The following SCLT1 variants were observed in gnomAD, a reference collection of about 807,000 sequenced individuals.
SCLT1 encodes the protein sodium channel-associated protein 1.
SCLT1 carries 78 observed loss-of-function variants against 112.8 expected under a neutral mutation model. The observed-to-expected ratio is 0.69, with a 90% CI of 0.58 to 0.83. SCLT1 has a LOEUF of 0.83. Ranked by LOEUF, SCLT1 falls within the 40% of genes least tolerant of loss-of-function variation. SCLT1 has a pLI of 0.00. For synonymous variants in SCLT1, 257 were observed against 254.7 expected, an observed-to-expected ratio of 1.01 and a Z score of -0.09; for missense variants, 747 against 770.4, an observed-to-expected ratio of 0.97 and a Z score of 0.36.
At chr4:128,993,595 A>G (rs933465602) in intron 8 of SCLT1, among the ~76,000 whole-genome samples, 39 of 152,092 alleles carry the variant, frequency 2.6e-4, no homozygotes, top group African/African-American at 9.2e-4. Context: ...TTGTTGTTCT[A>G]TATTTATGAC....
At chr4:128,994,429 G>C (rs538275552) in intron 8 of SCLT1, among the ~76,000 whole-genome samples, 1 of 152,226 alleles carries the variant, frequency 6.6e-6, no homozygotes, top group African/African-American at 2.4e-5. Context: ...GGACATCTAA[G>C]GTTGTTTTCG....
At position 129,045,352 on chromosome 4, in the gene SCLT1, T is replaced by C. The variant is rs1748087579; in HGVS notation, c.103-1301A>G. ...ATTTTACAACATCCAAATTTAAAAC[T>C]TCTATACAGCTAAAGACACCAAAAG... is the stretch of plus-strand genomic sequence containing the variant. On this transcript the variant is annotated intron_variant, in intron 2 of 20. Transcript: ENST00000281142. 2.0e-5 allele frequency among the ~76,000 whole-genome samples: 3 copies of C among 152,020 alleles called. No individual in the cohort carries two copies. In the South Asian group the frequency reaches 6.2e-4, roughly 32 times the overall value.
At chr4:128,948,172 A>G (rs987643811) in intron 15 of SCLT1, among the ~76,000 whole-genome samples, 19 of 151,858 alleles carry the variant, frequency 1.3e-4, no homozygotes, top group Admixed American at 3.3e-4. Context: ...CATCTCTACT[A>G]AAAATACAAA....
intron 11 of SCLT1, among the ~76,000 whole-genome samples, chr4:128,963,190 G>A (rs113882885): frequency 7.9e-5 from 12 of 152,126 alleles, no homozygotes; most frequent in African/African-American, 2.9e-4. Context: ...AAGGTAGTGG[G>A]GGTGATGATA....
chr4:129,050,511 T>C (rs1037414009), intron 2 of SCLT1, among the ~76,000 whole-genome samples: 3 of 152,018 alleles, frequency 2.0e-5, no homozygotes, highest in Admixed American at 1.3e-4. Flanking sequence ...TTCTTCATGT[T>C]TGTTGGCAGC....
At chr4:128,909,848 A>C (rs571897529) in intron 18 of SCLT1, among the ~76,000 whole-genome samples, 124 of 152,350 alleles carry the variant, frequency 8.1e-4, no homozygotes, top group African/African-American at 2.8e-3. Flanking sequence ...GACTGCAGAT[A>C]AAATATGGCA....
chr4:129,065,253 C>G (rs1234647282), intron 2 of SCLT1, among the ~76,000 whole-genome samples: 3 of 151,790 alleles, frequency 2.0e-5, no homozygotes, highest in African/African-American at 7.3e-5. Context: ...TATCACTAGG[C>G]CTATGTTTGC....
downstream of SCLT1, among the ~76,000 whole-genome samples, chr4:128,880,637 A>G (rs960875395): frequency 1.3e-5 from 2 of 152,220 alleles, no homozygotes; most frequent in African/African-American, 4.8e-5. Context: ...TATCTGTCCA[A>G]CAGTGTGATT....
At chr4:128,940,550 T>C (rs1298823215) in intron 17 of SCLT1, among the ~76,000 whole-genome samples, 1 of 152,022 alleles carries the variant, frequency 6.6e-6, no homozygotes, top group Non-Finnish European at 1.5e-5. Context: ...TATAAATTAT[T>C]TGGAAATATA....
At chr4:128,974,038 T>A (rs571946113) in intron 9 of SCLT1, among the ~76,000 whole-genome samples, 1 of 152,322 alleles carries the variant, frequency 6.6e-6, no homozygotes, top group South Asian at 2.1e-4. Context: ...AGTCTTAGTA[T>A]CTATAAAATG....
rs1002986042 is a variant in SCLT1 at position 129,053,508 on chromosome 4, T to C, written c.103-9457A>G. Among the ~76,000 whole-genome samples, 10 of 151,482 alleles carry C rather than the reference T, an allele frequency of 6.6e-5. No homozygotes were observed. In the South Asian group the frequency reaches 8.3e-4, roughly 13 times the overall value. On this transcript the variant is annotated intron_variant, in intron 2 of 20. Transcript: ENST00000281142. ...ATGCCCTTCTTTATCTCTTTTGACC[T>C]TTGTTGGTTTAAAGTCTGTTTTATT...
At chr4:129,040,530 T>G (rs1224605967) in intron 4 of SCLT1, among the ~76,000 whole-genome samples, 1 of 152,226 alleles carries the variant, frequency 6.6e-6, no homozygotes, top group Non-Finnish European at 1.5e-5. Context: ...TTATTACTCT[T>G]AAATAATTAT....
At chr4:129,040,258 T>C (rs1747583801) in intron 4 of SCLT1, 1 of 702,542 alleles carries the variant, frequency 1.4e-6, no homozygotes. Context: ...TACCAGATAA[T>C]TGAGCACTGA....
intron 2 of SCLT1, among the ~76,000 whole-genome samples, chr4:129,065,710 A>G (rs902161168): frequency 6.6e-6 from 1 of 152,088 alleles, no homozygotes; most frequent in African/African-American, 2.4e-5. Flanking sequence ...AATTTATTGT[A>G]ATCAGGAAAT....
intron 2 of SCLT1, among the ~76,000 whole-genome samples, chr4:129,075,175 C>T (rs1332045717): frequency 6.6e-6 from 1 of 152,072 alleles, no homozygotes; most frequent in Non-Finnish European, 1.5e-5. Context: ...TGAATGTTTA[C>T]TTTTGGCTCT....
At chr4:129,028,852 A>C (rs1746406783) in intron 5 of SCLT1, among the ~76,000 whole-genome samples, 1 of 152,184 alleles carries the variant, frequency 6.6e-6, no homozygotes, top group South Asian at 2.1e-4. Flanking sequence ...CCATCCCATC[A>C]AAAAGTGGGC....
At chr4:128,897,310 C>G (rs1443850966) in intron 18 of SCLT1, among the ~76,000 whole-genome samples, 1 of 152,088 alleles carries the variant, frequency 6.6e-6, no homozygotes, top group Admixed American at 6.6e-5. Context: ...GCCCATCAGA[C>G]TAACAGCTGA....
At chr4:128,928,605 G>A (rs769434520) in intron 18 of SCLT1, among the ~76,000 whole-genome samples, 55 of 152,310 alleles carry the variant, frequency 3.6e-4, no homozygotes, top group Admixed American at 1.1e-3. Flanking sequence ...GCCGAGGCAG[G>A]TGGATCACCT....
chr4:128,908,393 AAG>A (rs1553960067), intron 18 of SCLT1, among the ~76,000 whole-genome samples: 15 of 150,480 alleles, frequency 1.0e-4, no homozygotes, highest in African/African-American at 3.4e-4. Context: ...AAAAAAAAAA[AAG>A]AAAGAAAAAA....
Sources: allele counts gnomAD v4.1 joint callset (sites outside exome capture counted in the v4.1 genomes callset), GRCh38; gene constraint gnomAD v4.1.1; transcripts MANE v1.5; gene names NCBI Gene and HGNC (gene_info 2026-07-23, HGNC 2026-07-21).